The following AGFG1 variants were observed in gnomAD, a reference collection of about 807,000 sequenced individuals.
The protein encoded by AGFG1 is ArfGAP with FG repeats 1.
AGFG1 carries 10 observed loss-of-function variants against 60.6 expected under a neutral mutation model. That is an observed-to-expected ratio of 0.16 (90% CI 0.10 to 0.28). The LOEUF (loss-of-function observed/expected upper bound fraction) is 0.28, where lower values mean the gene tolerates loss of function less well. Ranked by LOEUF, AGFG1 falls within the 10% of genes least tolerant of loss-of-function variation. The pLI, the probability that AGFG1 is intolerant of heterozygous loss-of-function variation, is 1.00. For missense variants in AGFG1, 537 were observed against 676.5 expected, an observed-to-expected ratio of 0.79 and a Z score of 2.29; for synonymous variants, 247 against 242.9, an observed-to-expected ratio of 1.02 and a Z score of -0.16.
chr2:227,481,099 CTTTTTTTTTTTTTTT>C (rs36152184), intron 1 of AGFG1, among the ~76,000 whole-genome samples: 1 of 75,724 alleles, frequency 1.3e-5, no homozygotes, highest in Non-Finnish European at 2.4e-5. Flanking sequence ...GTGTTTTAGG[CTTTTTTTTTTTTTTT>C]TTTTTTTTTG....
At chr2:227,485,626 A>G (rs1345677791) in intron 1 of AGFG1, among the ~76,000 whole-genome samples, 1 of 152,108 alleles carries the variant, frequency 6.6e-6, no homozygotes, top group Non-Finnish European at 1.5e-5. Context: ...TTGGATCTGA[A>G]AAAAATCTCA....
At chr2:227,543,029 T>C (rs564381608) in intron 10 of AGFG1, among the ~76,000 whole-genome samples, 7 of 152,298 alleles carry the variant, frequency 4.6e-5, no homozygotes, top group African/African-American at 1.7e-4. Context: ...TTATTGCATC[T>C]ATTTGATTCT....
At chr2:227,512,465 T>C (rs1389699969) in intron 2 of AGFG1, among the ~76,000 whole-genome samples, 1 of 152,190 alleles carries the variant, frequency 6.6e-6, no homozygotes, top group Non-Finnish European at 1.5e-5. Flanking sequence ...TGGATCCGTG[T>C]AGGAAATGTT....
In AGFG1 at chr2:227,472,618, G is replaced by A. The variant is rs751510693; in HGVS notation, c.167+30G>A. ...GTGCGGGGCGGCCGGGCGGGTGTCG[G>A]GCCCTTCCCGGGAGGTGGGGGAGCG... On this transcript the variant is annotated intron_variant, in intron 1 of 12. Coordinates refer to ENST00000310078, the MANE Select transcript of AGFG1 (RefSeq NM_004504.5). The A allele has an allele frequency of 3.9e-6, 6 of 1,550,526 alleles. No homozygotes were observed. In the Admixed American group the frequency reaches 7.5e-5, roughly 19 times the overall value.
chr2:227,472,412 C>A lies in AGFG1; in HGVS notation c.-10C>A. On this transcript the variant is annotated 5_prime_UTR_variant, in exon 1 of 13. Coordinates refer to ENST00000310078, the MANE Select transcript of AGFG1 (RefSeq NM_004504.5). Reference sequence around the variant, plus strand: ...CGGCCCTGCCGGCCTCCTCCCTTGGCGCCGCGGCCATGGCGGCCAGCGCGA... The same window carrying A: ...CGGCCCTGCCGGCCTCCTCCCTTGGAGCCGCGGCCATGGCGGCCAGCGCGA... 1 of 1,466,106 alleles carries A rather than the reference C, an allele frequency of 6.8e-7. No individual in the cohort carries two copies. Among genetic ancestry groups the A allele is most frequent in the Non-Finnish European group, 9.1e-7 (1 of 1,101,944 alleles). 90.8% of individuals were successfully genotyped at this position (1,466,106 alleles called of 1,614,324 possible).
chr2:227,472,713 C>A, intron 1 of AGFG1, 125 bp downstream of exon 1: 1 of 1,108,480 alleles, frequency 9.0e-7, no homozygotes, highest in Non-Finnish European at 1.2e-6. Flanking sequence ...CGGGGGCGGC[C>A]GTTGGGCGCC....
At chr2:227,491,689 G>A in intron 2 of AGFG1, 49 bp downstream of exon 2, 3 of 1,174,818 alleles carry the variant, frequency 2.6e-6, no homozygotes, top group Non-Finnish European at 3.6e-6. Context: ...TTTGTTGGCA[G>A]TCATTTTAAT....
At chr2:227,553,935 A>C (rs1204392906) in intron 12 of AGFG1, 140 bp downstream of exon 12, 1 of 619,742 alleles carries the variant, frequency 1.6e-6, no homozygotes, top group Admixed American at 3.0e-5. Flanking sequence ...ACAAATTGAC[A>C]CAGAGCCATT....
chr2:227,474,107 A>G (rs1331379259), intron 1 of AGFG1, among the ~76,000 whole-genome samples: 3 of 152,332 alleles, frequency 2.0e-5, no homozygotes, highest in South Asian at 4.1e-4. Context: ...TTACTACAGA[A>G]TCACAGAGCT....
intron 5 of AGFG1, among the ~76,000 whole-genome samples, chr2:227,526,536 C>CGT (rs1691999314): frequency 7.2e-6 from 1 of 139,534 alleles, no homozygotes; most frequent in Non-Finnish European, 1.5e-5. Flanking sequence ...CTGTGCCCAG[C>CGT]CTCTTTTTTT....
In AGFG1 at chr2:227,557,837, T is replaced by C. The variant is rs893101013; in HGVS notation, c.*3342T>C. 4 of 152,206 alleles carry C rather than the reference T, an allele frequency of 2.6e-5. No homozygotes were observed. The highest frequency in any genetic ancestry group is 2.6e-4 in the Admixed American group (4 of 15,270). 9.4% of individuals were successfully genotyped at this position (152,206 alleles called of 1,614,324 possible). On this transcript the variant is annotated 3_prime_UTR_variant, in exon 13 of 13. Coordinates refer to ENST00000310078, the MANE Select transcript of AGFG1 (RefSeq NM_004504.5). Reference sequence around the variant, plus strand: ...CTGTGCACTTGTGAGATCAGGAGAATGAAAACTATGTAATATCTCAGTAGT... The same window carrying C: ...CTGTGCACTTGTGAGATCAGGAGAACGAAAACTATGTAATATCTCAGTAGT...
At chr2:227,478,314 T>A (rs1279334316) in intron 1 of AGFG1, among the ~76,000 whole-genome samples, 2 of 151,338 alleles carry the variant, frequency 1.3e-5, no homozygotes, top group Non-Finnish European at 2.9e-5. Context: ...ATATATATAT[T>A]TAGCAAGCAT....
Position 227,472,514 on chromosome 2 carries a change from C to T in AGFG1, c.93C>T (p.Asp31=). The part of the protein sequence containing the change: ...TGLPHNRKCF[D]CDQRGPTYVN... Reference sequence around the variant, plus strand: ...TCCCGCACAACCGAAAGTGCTTCGACTGCGACCAGCGCGGCCCCACCTACG... The same window carrying T: ...TCCCGCACAACCGAAAGTGCTTCGATTGCGACCAGCGCGGCCCCACCTACG... The change falls in exon 1 of 13, where the codon GAC becomes GAT. Residue 31 remains aspartate (D), a synonymous_variant. Transcript: ENST00000310078. 6.3e-7 allele frequency: 1 copy of T among 1,582,944 alleles called. No homozygotes were observed. Among genetic ancestry groups the T allele is most frequent in the South Asian group, 1.1e-5 (1 of 89,222 alleles).
At chr2:227,547,041 A>G (rs1241930624) in intron 10 of AGFG1, among the ~76,000 whole-genome samples, 4 of 152,248 alleles carry the variant, frequency 2.6e-5, no homozygotes, top group Non-Finnish European at 4.4e-5. Context: ...ATCTGATATT[A>G]ATACCCAGAA....
At position 227,559,032 on chromosome 2, in the gene AGFG1, T is replaced by C. The variant is rs1011101872; in HGVS notation, c.*4537T>C. 3 of 152,228 alleles carry C rather than the reference T, an allele frequency of 2.0e-5. No individual in the cohort carries two copies. Among genetic ancestry groups the C allele is most frequent in the Non-Finnish European group, 2.9e-5 (2 of 68,028 alleles). 9.4% of individuals were successfully genotyped at this position (152,228 alleles called of 1,614,324 possible). A position where few individuals can be genotyped will look rare whatever the true frequency, so the allele number is the denominator to read the frequency against. On this transcript the variant is annotated 3_prime_UTR_variant, in exon 13 of 13. Transcript: ENST00000310078. ...GAACACTTGTTTATTTTTAGAGATA[T>C]ACTGGGCACTGAGGTATTTAATCTG...
intron 2 of AGFG1, among the ~76,000 whole-genome samples, chr2:227,498,216 C>G (rs1691043487): frequency 6.6e-6 from 1 of 151,924 alleles, no homozygotes; most frequent in Non-Finnish European, 1.5e-5. Flanking sequence ...GATACTTTTC[C>G]AGTTGATTCC....
chr2:227,513,068 A>T (rs938428138), intron 2 of AGFG1, among the ~76,000 whole-genome samples: 1 of 152,168 alleles, frequency 6.6e-6, no homozygotes, highest in Non-Finnish European at 1.5e-5. Context: ...AATAAAGGTG[A>T]ATATCCATTT....
intron 6 of AGFG1, among the ~76,000 whole-genome samples, chr2:227,531,863 A>G (rs2106218759): frequency 6.6e-6 from 1 of 152,286 alleles, no homozygotes; most frequent in Admixed American, 6.5e-5. Context: ...AGCCTGAGAA[A>G]AATTTTTATA....
At chr2:227,499,389 C>T (rs1038995678) in intron 2 of AGFG1, among the ~76,000 whole-genome samples, 6 of 151,988 alleles carry the variant, frequency 3.9e-5, no homozygotes, top group Admixed American at 1.3e-4. Flanking sequence ...TTTGTAATCC[C>T]AGCACTTTGG....
Sources: allele counts gnomAD v4.1 joint callset (sites outside exome capture counted in the v4.1 genomes callset), GRCh38; gene constraint gnomAD v4.1.1; transcripts MANE v1.5; gene names NCBI Gene and HGNC (gene_info 2026-07-23, HGNC 2026-07-21).